Variants in HSDL2 observed in about 807,000 individuals in gnomAD.
HSDL2 encodes the protein hydroxysteroid dehydrogenase-like protein 2.
HSDL2 carries 27 observed loss-of-function variants against 46.3 expected under a neutral mutation model. That is an observed-to-expected ratio of 0.58 (90% CI 0.43 to 0.80). The LOEUF is 0.80. HSDL2 is among the 30% of genes least tolerant of loss of function. HSDL2 has a pLI of 0.00. For missense variants in HSDL2, 451 were observed against 502.7 expected (o/e 0.90, Z 0.98); for synonymous variants, 153 against 163.6 (o/e 0.94, Z 0.50).
intron 1 of HSDL2, among the ~76,000 whole-genome samples, chr9:112,381,030 C>T (rs1194249161): frequency 6.6e-6 from 1 of 151,300 alleles, no homozygotes; most frequent in Non-Finnish European, 1.5e-5. Context: ...AATCTAGTTC[C>T]CCAGTTACTT....
chr9:112,457,477 C>T (rs1451390192), intron 9 of HSDL2, among the ~76,000 whole-genome samples: 1 of 151,794 alleles, frequency 6.6e-6, no homozygotes, highest in African/African-American at 2.4e-5. Flanking sequence ...CCTGTCTCTA[C>T]AAAAATAAAA....
At chr9:112,389,276 T>C (rs572947121) in intron 1 of HSDL2, among the ~76,000 whole-genome samples, 2 of 152,226 alleles carry the variant, frequency 1.3e-5, no homozygotes, top group South Asian at 4.2e-4. Flanking sequence ...CCCGTCTTGG[T>C]CTCCCAAATT....
At chr9:112,419,085 T>C in intron 6 of HSDL2, 127 bp downstream of exon 6, 1 of 445,362 alleles carries the variant, frequency 2.2e-6, no homozygotes, top group Non-Finnish European at 4.3e-6. Context: ...CTTGGCTCAC[T>C]GCAACCTCTG....
At chr9:112,431,070 AAAT>A (rs1206511647) in intron 6 of HSDL2, among the ~76,000 whole-genome samples, 10 of 149,464 alleles carry the variant, frequency 6.7e-5, no homozygotes, top group African/African-American at 1.7e-4. Context: ...AAAAAAAAAA[AAAT>A]TTAAAAAAAA....
chr9:112,406,764 G>T (rs757783165), intron 3 of HSDL2, among the ~76,000 whole-genome samples: 1 of 152,086 alleles, frequency 6.6e-6, no homozygotes, highest in African/African-American at 2.4e-5. Flanking sequence ...CACCGTGCCC[G>T]GCCTCTCTGA....
At chr9:112,383,663 G>A (rs73533947) in intron 1 of HSDL2, among the ~76,000 whole-genome samples, 3,439 of 152,140 alleles carry the variant, frequency 0.023, 149 homozygotes, top group African/African-American at 0.078. Context: ...TTTCTGCTCT[G>A]CTACTTTAGT....
chr9:112,426,234 CT>C (rs71382430), intron 6 of HSDL2, among the ~76,000 whole-genome samples: 62,447 of 95,172 alleles, frequency 0.66, 19,169 homozygotes, highest in South Asian at 0.77. Flanking sequence ...GGTAAGCCTT[CT>C]TTTTTTTTTT....
At chr9:112,398,466 G>A (rs572205018) in intron 1 of HSDL2, among the ~76,000 whole-genome samples, 60 of 152,146 alleles carry the variant, frequency 3.9e-4, no homozygotes, top group African/African-American at 1.4e-3. Context: ...CTCATGAAAA[G>A]AAATAAGATC....
Position 112,470,619 on chromosome 9 carries a change from GT to G in HSDL2, c.*79del. The G allele has an allele frequency of 1.3e-6, 1 of 782,944 alleles. No homozygotes were observed. The highest frequency in any genetic ancestry group is 2.1e-6 in the Non-Finnish European group (1 of 483,004). The allele number at this position is 782,944 out of a possible 1,614,324, so 48.5% of individuals were successfully genotyped here. A position where few individuals can be genotyped will look rare whatever the true frequency, so the allele number is the denominator to read the frequency against. On this transcript the variant is annotated 3_prime_UTR_variant, in exon 11 of 11. Coordinates refer to ENST00000398805, the MANE Select transcript of HSDL2 (RefSeq NM_032303.5). ...GCTCAACAGTTAAAATCTAATGTTTGTTTTCTTTCCTGTTATATTATAAGGA... is the reference window on the plus strand; with the variant it reads ...GCTCAACAGTTAAAATCTAATGTTTGTTTCTTTCCTGTTATATTATAAGGA...
At chr9:112,421,557 A>T (rs1368113008) in intron 6 of HSDL2, among the ~76,000 whole-genome samples, 7 of 152,206 alleles carry the variant, frequency 4.6e-5, no homozygotes, top group Admixed American at 2.0e-4. Context: ...TTACATTTAA[A>T]AAAAAATTTT....
intron 8 of HSDL2, among the ~76,000 whole-genome samples, 173 bp from the exon 9 acceptor site, chr9:112,453,840 G>A (rs116614124): frequency 0.015 from 2,247 of 152,280 alleles, 46 homozygotes; most frequent in African/African-American, 0.052. Context: ...ATGTGTGTTT[G>A]ACTGTTATTC....
At chr9:112,391,934 G>T (rs1479199365) in intron 1 of HSDL2, among the ~76,000 whole-genome samples, 1 of 151,394 alleles carries the variant, frequency 6.6e-6, no homozygotes, top group Non-Finnish European at 1.5e-5. Flanking sequence ...CCAATTAATA[G>T]GAACTTTGCA....
chr9:112,395,899 T>C (rs1361770066), intron 1 of HSDL2, among the ~76,000 whole-genome samples: 2 of 152,228 alleles, frequency 1.3e-5, no homozygotes, highest in Non-Finnish European at 2.9e-5. Flanking sequence ...GAGCAGCCAC[T>C]GCTCAATCCA....
intron 4 of HSDL2, among the ~76,000 whole-genome samples, chr9:112,416,078 C>T (rs1467490722): frequency 6.6e-6 from 1 of 150,478 alleles, no homozygotes; most frequent in Non-Finnish European, 1.5e-5. Context: ...TTCACTCCAG[C>T]CTGGGCAACA....
chr9:112,418,774 A>G, intron 5 of HSDL2, 86 bp from the exon 6 acceptor site: 1 of 578,654 alleles, frequency 1.7e-6, no homozygotes, highest in Non-Finnish European at 2.9e-6. Flanking sequence ...AGAAAATAGT[A>G]ATAGAAAAAT....
intron 8 of HSDL2, among the ~76,000 whole-genome samples, chr9:112,447,404 TA>T (rs1832779437): frequency 6.6e-6 from 1 of 152,164 alleles, no homozygotes; most frequent in Non-Finnish European, 1.5e-5. Context: ...AGGGATAAAC[TA>T]AAGTTTTTGC....
chr9:112,410,850 A>C (rs1831847665), intron 4 of HSDL2, among the ~76,000 whole-genome samples: 3 of 152,178 alleles, frequency 2.0e-5, no homozygotes, highest in African/African-American at 7.2e-5. Flanking sequence ...GATTGTCTGA[A>C]TCTGGGAGGT....
At chr9:112,445,832 A>ATT (rs71862393) in intron 8 of HSDL2, among the ~76,000 whole-genome samples, 37 of 151,282 alleles carry the variant, frequency 2.4e-4, no homozygotes, top group Non-Finnish European at 3.7e-4. Flanking sequence ...CCAAAGCTTT[A>ATT]TTTTTTTTTA....
In HSDL2 at chr9:112,415,971, G is replaced by A. The variant is rs1587941976; in HGVS notation, c.396-870G>A. On this transcript the variant is annotated intron_variant, in intron 4 of 10. Coordinates refer to ENST00000398805, the MANE Select transcript of HSDL2 (RefSeq NM_032303.5). ...AAAATACAAAACATTAGCCGGACGT[G>A]GTGGCGGGCGCCTTGTAGTCCCAGC... 2.0e-5 allele frequency among the ~76,000 whole-genome samples: 3 copies of A among 152,194 alleles called. No individual in the cohort carries two copies. The Middle Eastern group carries it at 0.01, about 518-fold the overall frequency.
Sources: allele counts gnomAD v4.1 joint callset (sites outside exome capture counted in the v4.1 genomes callset), GRCh38; gene constraint gnomAD v4.1.1; transcripts MANE v1.5; gene names NCBI Gene and HGNC (gene_info 2026-07-23, HGNC 2026-07-21).